Variants in WIZ observed in about 807,000 individuals in gnomAD.
The protein encoded by WIZ is WIZ zinc finger.
Under a neutral mutation model 140.2 loss-of-function variants are expected in WIZ, and 25 were observed. The observed-to-expected ratio is 0.18, with a 90% CI of 0.13 to 0.25. The LOEUF is 0.25. WIZ is among the 10% of genes least tolerant of loss of function. The pLI, the probability that WIZ is intolerant of heterozygous loss-of-function variation, is 1.00. For missense variants in WIZ, 2,231 were observed against 2,632.6 expected, an observed-to-expected ratio of 0.85 and a Z score of 3.34; for synonymous variants, 1,125 against 1,154.3, an observed-to-expected ratio of 0.97 and a Z score of 0.51.
intron 6 of WIZ, among the ~76,000 whole-genome samples, 152 bp downstream of exon 6, chr19:15,430,860 A>C (rs1369594242): frequency 1.3e-5 from 2 of 152,208 alleles, no homozygotes; most frequent in Admixed American, 1.3e-4. Flanking sequence ...TCAAGAGAGA[A>C]GACAGCTGAG....
Position 15,429,653 on chromosome 19 carries a change from C to T in WIZ, c.3348G>A (p.Leu1116=). 7.0e-7 allele frequency: 1 copy of T among 1,422,260 alleles called. No individual in the cohort carries two copies. Among genetic ancestry groups the T allele is most frequent in the Non-Finnish European group, 9.2e-7 (1 of 1,091,214 alleles). The allele number at this position is 1,422,260 out of a possible 1,614,324, so 88.1% of individuals were successfully genotyped here. ...CCTTTGGGGAGGCCGGCCGGGGGCT[C>T]AGGGACAGCTGGGGGCTCTTGTCCT... ...NPEDKSPQLS[L]SPRPASPKAQ... The change falls in exon 7 of 13, where the codon CTG becomes CTA. Residue 1116 remains leucine, a synonymous_variant. Coordinates refer to ENST00000673675, the MANE Select transcript of WIZ (RefSeq NM_001371589.1).
In WIZ at chr19:15,425,585, C is replaced by T. The variant is rs773380631; in HGVS notation, c.4550G>A (p.Cys1517Tyr). The T allele has an allele frequency of 6.2e-7, 1 of 1,613,510 alleles. No homozygotes were observed. The highest frequency in any genetic ancestry group is 8.5e-7 in the Non-Finnish European group (1 of 1,179,858). The part of the protein sequence containing the change: ...REILKKKSKP[C>Y]LIKKEPPAGD... ...AGCCGGTGGCTCCTTCTTGATGAGG[C>T]ACGGCTTGGACTTCTTCTTGAGGAT... The change falls in exon 10 of 13, where the codon TGC becomes TAC. Residue 1517 changes from cysteine (C) to tyrosine (Y), a missense_variant. Transcript: ENST00000673675.
rs562708225 is a variant in WIZ, at chr19:15,448,330, A to G, written c.-23T>C. On this transcript the variant is annotated 5_prime_UTR_variant, in exon 2 of 13. Transcript: ENST00000673675. The stretch of plus-strand genomic sequence containing the variant: ...CATCGGATTTTCTCTGCTTGGATCC[A>G]CTCAGCTGCTGCACCGGCTCAGCGG... The G allele has an allele frequency of 1.6e-5, 25 of 1,607,708 alleles. No homozygotes were observed. The South Asian group carries it at 2.4e-4, about 16-fold the overall frequency.
intron 7 of WIZ, 96 bp downstream of exon 7, chr19:15,429,489 CA>C: frequency 9.1e-6 from 8 of 882,428 alleles, no homozygotes; most frequent in East Asian, 6.6e-5. Context: ...CCACCGCCCC[CA>C]CCCACCCTGG....
In WIZ at chr19:15,438,914, C is replaced by A. The variant is rs1969618045; in HGVS notation, c.2080G>T (p.Val694Phe). The stretch of plus-strand genomic sequence containing the variant: ...GGGGGCACCCTGGCTGCCGCCATGA[C>A]CTGCGGCCCCAGCTTCGCCACGAGC... ...IVLVAKLGPQ[V>F]MAAARVPPRL... The change falls in exon 4 of 13, where the codon GTC (valine) becomes TTC (phenylalanine). Residue 694 changes from valine (V) to phenylalanine (F), a missense_variant. Around this residue, in one of 15 missense-constraint regions of WIZ, gnomAD observed 475 missense variants for 520.2 expected, o/e 0.91. Transcript: ENST00000673675. The A allele has an allele frequency of 2.1e-6, 3 of 1,446,620 alleles. No individual in the cohort carries two copies. Among genetic ancestry groups the A allele is most frequent in the Non-Finnish European group, 2.7e-6 (3 of 1,101,338 alleles). 89.6% of individuals were successfully genotyped at this position (1,446,620 alleles called of 1,614,324 possible). A position where few individuals can be genotyped will look rare whatever the true frequency, so the allele number is the denominator to read the frequency against.
chr19:15,448,681 G>C (rs1255592693), intron 1 of WIZ, among the ~76,000 whole-genome samples: 1 of 151,986 alleles, frequency 6.6e-6, no homozygotes, highest in East Asian at 1.9e-4. Flanking sequence ...CATTTCTCCA[G>C]ACGCCTCCCT....
rs1968960097 is a variant in WIZ, at chr19:15,428,005, G to A, written c.3814+105C>T. 11 of 1,442,346 alleles carry A rather than the reference G, an allele frequency of 7.6e-6. No homozygotes were observed. In the Middle Eastern group the frequency reaches 7.5e-4, roughly 99 times the overall value. The allele number at this position is 1,442,346 out of a possible 1,614,324, so 89.3% of individuals were successfully genotyped here. A position where few individuals can be genotyped will look rare whatever the true frequency, so the allele number is the denominator to read the frequency against. ...GGGCAGAACCGGCCCACTGCCAAGGGCCCCTGTCTACTCCCTGCCCCAGCA... is the reference window on the plus strand; with the variant it reads ...GGGCAGAACCGGCCCACTGCCAAGGACCCCTGTCTACTCCCTGCCCCAGCA... On this transcript the variant is annotated intron_variant, in intron 8 of 12. Coordinates refer to ENST00000673675, the MANE Select transcript of WIZ (RefSeq NM_001371589.1). The surrounding 1 kb of genome is among the most constrained non-coding windows in gnomAD (Gnocchi z 6.4).
chr19:15,431,112 C>G lies in WIZ; in HGVS notation c.2811G>C (p.Leu937=). 6.5e-7 allele frequency: 1 copy of G among 1,535,448 alleles called. No homozygotes were observed. Among genetic ancestry groups the G allele is most frequent in the Non-Finnish European group, 8.7e-7 (1 of 1,146,642 alleles). Residue 937 remains leucine (L), a synonymous_variant, in exon 6 of 13, where the codon CTG becomes CTC. Transcript: ENST00000673675. ...LGSPSLPKKS[L]PVPGALEQVA... ...CCTGCTCCAGGGCCCCAGGGACAGG[C>G]AGGCTCTTCTTAGGGAGCGAGGGAG...
In WIZ at chr19:15,425,399, C is replaced by T. The variant is rs771043745; in HGVS notation, c.4736G>A (p.Gly1579Glu). 9 of 1,557,434 alleles carry T rather than the reference C, an allele frequency of 5.8e-6. No homozygotes were observed. The South Asian group carries it at 8.2e-5, about 14-fold the overall frequency. The change falls in exon 10 of 13, where the codon GGG becomes GAG. Residue 1579 changes from glycine (G) to glutamate (E), a missense_variant. This residue lies in a region of WIZ where 393 missense variants were observed against 451.7 expected (regional missense o/e 0.87). Coordinates refer to ENST00000673675, the MANE Select transcript of WIZ (RefSeq NM_001371589.1). ...GTAGCCAGTGGCTGAGGGCTTGGCC[C>T]CAGTGATGGGCGTCAGGCTGAGCTC... ...PRELSLTPIT[G>E]AKPSATGYLG...
At chr19:15,443,175 G>A (rs551263058) in intron 2 of WIZ, among the ~76,000 whole-genome samples, 2 of 152,334 alleles carry the variant, frequency 1.3e-5, no homozygotes, top group African/African-American at 2.4e-5. Flanking sequence ...GGGTTCAAGC[G>A]ATTCTCCTAC....
At chr19:15,425,804 G>A (rs776166597) in intron 9 of WIZ, 36 bp from the exon 10 acceptor site, 21 of 1,123,930 alleles carry the variant, frequency 1.9e-5, no homozygotes, top group African/African-American at 1.5e-4. Flanking sequence ...AGGAGGAGGA[G>A]GAGGAGGAGG....
chr19:15,440,674 G>C lies in WIZ; in HGVS notation c.320C>G (p.Pro107Arg), dbSNP rs1053287034. 1 of 1,516,856 alleles carries C rather than the reference G, an allele frequency of 6.6e-7. No individual in the cohort carries two copies. The highest frequency in any genetic ancestry group is 8.8e-7 in the Non-Finnish European group (1 of 1,134,110). 94.0% of individuals were successfully genotyped at this position (1,516,856 alleles called of 1,614,324 possible). A position where few individuals can be genotyped will look rare whatever the true frequency, so the allele number is the denominator to read the frequency against. ...GAAATGGCCCAGGAGATGGGGTGGT[G>C]GGGAGCCCGGCCGGAAGTCCAGGCT... ...GGSLDFRPGS[P>R]PPHLLGHFPG... The change falls in exon 4 of 13, where the codon CCA becomes CGA. Residue 107 changes from proline to arginine, a missense_variant. Physicochemically the swap from Pro to Arg is moderately radical, Grantham distance 103. Around this residue, in one of 15 missense-constraint regions of WIZ, gnomAD observed 307 missense variants for 294.1 expected, o/e 1.04. Coordinates refer to ENST00000673675, the MANE Select transcript of WIZ (RefSeq NM_001371589.1). The surrounding 1 kb of genome is among the most constrained non-coding windows in gnomAD (Gnocchi z 6.2).
At chr19:15,432,441 G>A in intron 5 of WIZ, 9 of 984,652 alleles carry the variant, frequency 9.1e-6, no homozygotes, top group Non-Finnish European at 9.6e-6. Flanking sequence ...TACCGGGCGC[G>A]GGAGCGGACG....
In WIZ at chr19:15,427,193, G is replaced by C; in HGVS notation, c.4155C>G (p.Pro1385=). The part of the protein sequence containing the change: ...AKKLPPPPGS[P]LGHSPTASPP... ...GAGAGGCAGTTGGTGAGTGGCCCAG[G>C]GGGCTGCCCGGTGGTGGTGGCAACT... Residue 1385 remains proline (P), a synonymous_variant, in exon 9 of 13, where the codon CCC becomes CCG. Transcript: ENST00000673675. The surrounding 1 kb of genome is among the most constrained non-coding windows in gnomAD (Gnocchi z 6.4). 6.2e-7 allele frequency: 1 copy of C among 1,614,190 alleles called. No individual in the cohort carries two copies. The highest frequency in any genetic ancestry group is 8.5e-7 in the Non-Finnish European group (1 of 1,180,040).
In WIZ at chr19:15,436,859, G is replaced by C; in HGVS notation, c.2687C>G (p.Thr896Arg). Residue 896 changes from threonine to arginine, a missense_variant, in exon 5 of 13, where the codon ACG becomes AGG. Physicochemically the swap from Thr to Arg is moderately conservative, Grantham distance 71. Coordinates refer to ENST00000673675, the MANE Select transcript of WIZ (RefSeq NM_001371589.1). ...LTSRRPRLPLTVPFPPTWAED... is the reference protein window; with the variant it reads ...LTSRRPRLPLRVPFPPTWAED... ...AGCCCAGGTGGGTGGAAAGGGCACC[G>C]TGAGAGGTAAGCGGGGCCGACGGGA... 1 of 1,612,146 alleles carries C rather than the reference G, an allele frequency of 6.2e-7. No individual in the cohort carries two copies. Among genetic ancestry groups the C allele is most frequent in the Non-Finnish European group, 8.5e-7 (1 of 1,179,316 alleles).
rs1309814270 is a variant in WIZ, at chr19:15,442,500, T to TC, written c.278+175dup. ...TGACCCTCTGTGTTCATTCCAGACC[T>TC]CCCCCAACCCCAGCACACGCCCAGG... is the stretch of plus-strand genomic sequence containing the variant. On this transcript the variant is annotated intron_variant, in intron 3 of 12. Transcript: ENST00000673675. The surrounding 1 kb of genome is among the most constrained non-coding windows in gnomAD (Gnocchi z 5.5). Among the ~76,000 whole-genome samples the TC allele has an allele frequency of 2.6e-5, 4 of 152,038 alleles. No individual in the cohort carries two copies. The highest frequency in any genetic ancestry group is 4.4e-5 in the Non-Finnish European group (3 of 67,972).
At chr19:15,426,151 G>A (rs1968807149) in intron 9 of WIZ, among the ~76,000 whole-genome samples, 1 of 151,860 alleles carries the variant, frequency 6.6e-6, no homozygotes, top group African/African-American at 2.4e-5. Flanking sequence ...CCCTCTCTGA[G>A]CCTGTTTCCT....
rs758153884 is a variant in WIZ at position 15,431,098 on chromosome 19, G to A, written c.2825C>T (p.Ala942Val). The change falls in exon 6 of 13, where the codon GCC (alanine) becomes GTC (valine). Residue 942 changes from alanine to valine, a missense_variant. By Grantham distance (64) the Ala-to-Val change is moderately conservative. Coordinates refer to ENST00000673675, the MANE Select transcript of WIZ (RefSeq NM_001371589.1). ...LPKKSLPVPG[A>V]LEQVASRLSS... ...CAGCCGACTGGCCACCTGCTCCAGG[G>A]CCCCAGGGACAGGCAGGCTCTTCTT... The A allele has an allele frequency of 2.0e-5, 31 of 1,535,934 alleles. No individual in the cohort carries two copies. In the East Asian group the frequency reaches 6.8e-4, roughly 34 times the overall value.
chr19:15,430,917 C>T (rs1969190819), intron 6 of WIZ, 95 bp downstream of exon 6: 3 of 1,403,488 alleles, frequency 2.1e-6, no homozygotes, highest in African/African-American at 1.5e-5. Context: ...CTGCGGGCAA[C>T]CTTGGGCCCC....
Sources: allele counts gnomAD v4.1 joint callset (sites outside exome capture counted in the v4.1 genomes callset), GRCh38; gene constraint gnomAD v4.1.1; regional missense constraint gnomAD v4.1.1; non-coding constraint Gnocchi (gnomAD v3.1); transcripts MANE v1.5; gene names NCBI Gene and HGNC (gene_info 2026-07-23, HGNC 2026-07-21).